MYLK: variants seen among roughly 807,000 people sequenced by gnomAD.
The protein encoded by MYLK is myosin light chain kinase, smooth muscle.
Under a neutral mutation model 203.4 loss-of-function variants are expected in MYLK, and 106 were observed. That is an observed-to-expected ratio of 0.52 (90% CI 0.45 to 0.61). MYLK has a LOEUF of 0.61. Ranked by LOEUF, MYLK falls within the 20% of genes least tolerant of loss-of-function variation. The pLI is 0.00. For missense variants in MYLK, 2,072 were observed against 2,442.3 expected (o/e 0.85, Z 3.20); for synonymous variants, 867 against 959.5 (o/e 0.90, Z 1.78).
intron 2 of MYLK, among the ~76,000 whole-genome samples, chr3:123,852,724 T>C (rs2030953179): frequency 6.6e-6 from 1 of 152,178 alleles, no homozygotes; most frequent in South Asian, 2.1e-4. Flanking sequence ...GAACTCCTAG[T>C]TGCAGCTAAG....
At chr3:123,792,287 T>C (rs910951767) in intron 4 of MYLK, among the ~76,000 whole-genome samples, 2 of 152,242 alleles carry the variant, frequency 1.3e-5, no homozygotes, top group African/African-American at 2.4e-5. Context: ...TGCTGTCTGA[T>C]CCGTTTCTCA....
At chr3:123,784,192 G>A (rs1002044200) in intron 4 of MYLK, among the ~76,000 whole-genome samples, 33 of 152,290 alleles carry the variant, frequency 2.2e-4, no homozygotes, top group Admixed American at 6.5e-5. Flanking sequence ...CACAGTGACG[G>A]CACCCTCTGG....
At chr3:123,750,843 TG>T (rs1012613813) in intron 5 of MYLK, among the ~76,000 whole-genome samples, 2 of 152,216 alleles carry the variant, frequency 1.3e-5, no homozygotes, top group African/African-American at 4.8e-5. Context: ...ACTTTCCATC[TG>T]GAATGCCCCA....
At chr3:123,827,382 G>C (rs2066155295) in intron 3 of MYLK, among the ~76,000 whole-genome samples, 3 of 151,834 alleles carry the variant, frequency 2.0e-5, no homozygotes, top group Admixed American at 2.0e-4. Context: ...CAAAGACAAA[G>C]AAAGAATTTT....
chr3:123,731,324 T>C (rs2062466910), intron 11 of MYLK, among the ~76,000 whole-genome samples: 1 of 152,256 alleles, frequency 6.6e-6, no homozygotes, highest in East Asian at 1.9e-4. Context: ...CATTCCTTCC[T>C]GTGAACCCCT....
intron 20 of MYLK, among the ~76,000 whole-genome samples, chr3:123,669,825 G>A (rs926080191): frequency 6.6e-6 from 1 of 151,568 alleles, no homozygotes; most frequent in Admixed American, 6.6e-5. Flanking sequence ...ACCAGAAGTC[G>A]GAAGTTTGAG....
chr3:123,784,382 T>C (rs985377328), intron 4 of MYLK, among the ~76,000 whole-genome samples: 2 of 147,054 alleles, frequency 1.4e-5, no homozygotes, highest in African/African-American at 5.0e-5. Flanking sequence ...CTTTCTTTTT[T>C]TTTTTTTTTT....
At chr3:123,825,953 A>C (rs891679086) in intron 3 of MYLK, among the ~76,000 whole-genome samples, 1 of 152,190 alleles carries the variant, frequency 6.6e-6, no homozygotes, top group Admixed American at 6.5e-5. Context: ...ATGCCCCTGC[A>C]CCAGCAAAGT....
intron 4 of MYLK, among the ~76,000 whole-genome samples, chr3:123,766,863 C>T (rs1345939187): frequency 1.3e-5 from 2 of 152,250 alleles, no homozygotes; most frequent in Non-Finnish European, 2.9e-5. Context: ...ACCAACAACC[C>T]TCCAATCAGG....
chr3:123,647,181 G>A (rs2059050141), intron 27 of MYLK, 43 bp downstream of exon 27: 5 of 1,586,646 alleles, frequency 3.2e-6, no homozygotes, highest in Non-Finnish European at 3.5e-6. Flanking sequence ...ACACGTTTGG[G>A]GGCTCCCTGT....
intron 3 of MYLK, among the ~76,000 whole-genome samples, chr3:123,807,622 G>C (rs1449830234): frequency 6.6e-6 from 1 of 152,156 alleles, no homozygotes; most frequent in Non-Finnish European, 1.5e-5. Context: ...AACAAACGGG[G>C]TGACTTCATT....
intron 3 of MYLK, among the ~76,000 whole-genome samples, chr3:123,794,795 C>T (rs1288272046): frequency 6.6e-6 from 1 of 152,052 alleles, no homozygotes; most frequent in Non-Finnish European, 1.5e-5. Context: ...TGAAAATTAC[C>T]AATATGTAAA....
intron 27 of MYLK, 142 bp downstream of exon 27, chr3:123,647,082 A>G (rs2059045824): frequency 2.6e-6 from 2 of 783,084 alleles, no homozygotes; most frequent in Non-Finnish European, 2.2e-6. Flanking sequence ...GCCTGGCTGT[A>G]TGGCTGGTGA....
At chr3:123,883,590 C>A (rs1178009389) in intron 1 of MYLK, among the ~76,000 whole-genome samples, 1 of 152,210 alleles carries the variant, frequency 6.6e-6, no homozygotes, top group Admixed American at 6.5e-5. Context: ...ATTGACAACT[C>A]ACATCTCCTG....
chr3:123,834,173 G>A (rs995445829), intron 2 of MYLK, among the ~76,000 whole-genome samples: 66 of 152,176 alleles, frequency 4.3e-4, no homozygotes, highest in African/African-American at 1.6e-3. Flanking sequence ...AGTCTCCCAA[G>A]TAGTTGGGAC....
At chr3:123,766,687 GCACATAAA>G (rs1347526243) in intron 4 of MYLK, among the ~76,000 whole-genome samples, 1 of 152,264 alleles carries the variant, frequency 6.6e-6, no homozygotes, top group Non-Finnish European at 1.5e-5. Context: ...GGTCGTGCCA[GCACATAAA>G]CAGCTCTTGC....
intron 8 of MYLK, 118 bp from the exon 9 acceptor site, chr3:123,735,534 C>G: frequency 2.6e-6 from 3 of 1,152,390 alleles, no homozygotes; most frequent in Non-Finnish European, 3.9e-6. Flanking sequence ...TTCCAGCTTC[C>G]CTGGTGCTGA....
At chr3:123,796,268 T>C (rs1189396692) in intron 3 of MYLK, among the ~76,000 whole-genome samples, 1 of 152,190 alleles carries the variant, frequency 6.6e-6, no homozygotes, top group African/African-American at 2.4e-5. Context: ...TTTTGTGGAT[T>C]AGACACCTGA....
At position 123,857,641 on chromosome 3, in the gene MYLK, C is replaced by T. The variant is rs1207147090; in HGVS notation, c.-127+18918G>A. On this transcript the variant is annotated intron_variant, in intron 2 of 33. Transcript: ENST00000360304. ...GAAGGGGAACATCACACTCTGGGGA[C>T]TGTTGTGGGGTCGGGGGAGGGGGGA... is the stretch of plus-strand genomic sequence containing the variant. Among the ~76,000 whole-genome samples the T allele has an allele frequency of 6.2e-5, 7 of 112,776 alleles. No homozygotes were observed. The East Asian group carries it at 1.8e-3, about 29-fold the overall frequency. 74.0% of individuals were successfully genotyped at this position (112,776 alleles called of 152,430 possible).
Sources: gnomAD v4.1 joint callset for allele counts (sites outside exome capture counted in the v4.1 genomes callset) on GRCh38, gnomAD v4.1.1 for gene constraint, MANE v1.5 for transcripts, NCBI Gene and HGNC (gene_info 2026-07-23, HGNC 2026-07-21) for gene names.